The following MARCKS variants were observed in gnomAD, a reference collection of about 807,000 sequenced individuals.
MARCKS encodes the protein myristoylated alanine-rich C-kinase substrate.
A neutral mutation model predicts 6.3 loss-of-function variants in MARCKS; 4 were observed. The observed-to-expected ratio is 0.63, with a 90% CI of 0.31 to 1.45. MARCKS has a LOEUF of 1.45. Ranked by LOEUF, MARCKS falls within the 40% of genes most tolerant of loss-of-function variation. MARCKS has a pLI of 0.07. For synonymous variants in MARCKS, 289 were observed against 236.5 expected (o/e 1.22, Z -2.04); for missense variants, 636 against 485.7 (o/e 1.31, Z -2.91).
Position 113,862,390 on chromosome 6 carries a change from G to A in MARCKS, c.*1811G>A, listed in dbSNP as rs1299026728. ...TGTTGAATGGATGATGTCAGTTCAT[G>A]GGCCTTTAGCATAGTTTTAAGCATC... On this transcript the variant is annotated 3_prime_UTR_variant, in exon 2 of 2. Transcript: ENST00000612661. The A allele has an allele frequency of 6.7e-6, 1 of 150,350 alleles. No homozygotes were observed. Among genetic ancestry groups the A allele is most frequent in the Non-Finnish European group, 1.5e-5 (1 of 67,700 alleles). The allele number at this position is 150,350 out of a possible 1,614,324, so 9.3% of individuals were successfully genotyped here.
intron 1 of MARCKS, 53 bp downstream of exon 1, chr6:113,857,900 C>A: frequency 7.2e-7 from 1 of 1,398,578 alleles, no homozygotes; most frequent in South Asian, 1.2e-5. Context: ...CTCTCCTTCC[C>A]TCCTGGTGGC....
rs1399668540 is a variant in MARCKS, at chr6:113,862,923, T to A, written c.*2344T>A. On this transcript the variant is annotated 3_prime_UTR_variant, in exon 2 of 2. Coordinates refer to ENST00000612661, the MANE Select transcript of MARCKS (RefSeq NM_002356.7). ...TGAATTTGGTAACCAAAGGACTGAT[T>A]TATGGGTCTTTCCTATCTTAACCAA... The A allele has an allele frequency of 6.6e-6, 1 of 152,140 alleles. No individual in the cohort carries two copies. Among genetic ancestry groups the A allele is most frequent in the Non-Finnish European group, 1.5e-5 (1 of 68,000 alleles). The allele number at this position is 152,140 out of a possible 1,614,324, so 9.4% of individuals were successfully genotyped here.
chr6:113,859,570 C>T (rs1049607734), intron 1 of MARCKS, 113 bp from the exon 2 acceptor site: 32 of 952,822 alleles, frequency 3.4e-5, no homozygotes, highest in East Asian at 1.1e-4. Flanking sequence ...GGTGGGGTCT[C>T]GATGGCCACA....
chr6:113,859,148 C>G (rs997447797), intron 1 of MARCKS, among the ~76,000 whole-genome samples: 7 of 152,162 alleles, frequency 4.6e-5, no homozygotes, highest in African/African-American at 1.7e-4. Context: ...CGCAGGAGCT[C>G]GGAGGGCCCC....
In MARCKS at chr6:113,860,168, C is replaced by T. The variant is rs751997091; in HGVS notation, c.588C>T (p.Ala196=). The change falls in exon 2 of 2, where the codon GCC becomes GCT. Residue 196 remains alanine, a synonymous_variant. Coordinates refer to ENST00000612661, the MANE Select transcript of MARCKS (RefSeq NM_002356.7). The part of the protein sequence containing the change: ...APAAEGGKDE[A]AGGAAAAAAE... ...CTGCCGAAGGCGGCAAGGACGAGGC[C>T]GCCGGGGGCGCAGCTGCGGCCGCCG... 7.5e-6 allele frequency: 10 copies of T among 1,326,186 alleles called. No individual in the cohort carries two copies. The African/African-American group carries it at 1.3e-4, about 17-fold the overall frequency. 82.2% of individuals were successfully genotyped at this position (1,326,186 alleles called of 1,614,324 possible). A position where few individuals can be genotyped will look rare whatever the true frequency, so the allele number is the denominator to read the frequency against.
Position 113,860,029 on chromosome 6 carries a change from C to T in MARCKS, c.449C>T (p.Thr150Ile). 1 of 1,570,332 alleles carries T rather than the reference C, an allele frequency of 6.4e-7. No homozygotes were observed. Among genetic ancestry groups the T allele is most frequent in the Non-Finnish European group, 8.6e-7 (1 of 1,162,232 alleles). ...GCCACGCCCTCGCCCAGCAACGAGA[C>T]CCCGAAAAAAAAAAAGAAGCGCTTT... The part of the protein sequence containing the change: ...DGATPSPSNE[T>I]PKKKKKRFSF... Residue 150 changes from threonine (T) to isoleucine (I), a missense_variant, in exon 2 of 2, where the codon ACC becomes ATC. Physicochemically the swap from Thr to Ile is moderately conservative, Grantham distance 89. Coordinates refer to ENST00000612661, the MANE Select transcript of MARCKS (RefSeq NM_002356.7).
In MARCKS at chr6:113,861,682, C is replaced by A. The variant is rs1774903157; in HGVS notation, c.*1103C>A. ...TTGTAAATACTGGAGAAGCTTTGAC[C>A]AATTTGACTTAGAGATGGAATGTAA... is the stretch of plus-strand genomic sequence containing the variant. On this transcript the variant is annotated 3_prime_UTR_variant, in exon 2 of 2. Transcript: ENST00000612661. 6.6e-6 allele frequency: 1 copy of A among 152,572 alleles called. No individual in the cohort carries two copies. The highest frequency in any genetic ancestry group is 2.1e-4 in the South Asian group (1 of 4,830). The allele number at this position is 152,572 out of a possible 1,614,324, so 9.5% of individuals were successfully genotyped here.
intron 1 of MARCKS, 129 bp from the exon 2 acceptor site, chr6:113,859,554 G>A (rs1048668240): frequency 6.4e-6 from 5 of 777,422 alleles, no homozygotes; most frequent in Non-Finnish European, 9.0e-6. Context: ...TCCCCACAAC[G>A]GCGGGGGTGG....
In MARCKS at chr6:113,860,130, G is replaced by A. The variant is rs1384710723; in HGVS notation, c.550G>A (p.Ala184Thr). The A allele has an allele frequency of 2.7e-6, 4 of 1,508,528 alleles. No individual in the cohort carries two copies. Among genetic ancestry groups the A allele is most frequent in the African/African-American group, 2.9e-5 (2 of 68,372 alleles). 93.4% of individuals were successfully genotyped at this position (1,508,528 alleles called of 1,614,324 possible). Reference protein sequence around the residue: ...NKKEAGEGGEAEAPAAEGGKD... With the variant: ...NKKEAGEGGETEAPAAEGGKD... ...GAAGGAGGCTGGAGAAGGCGGTGAG[G>A]CTGAGGCGCCCGCTGCCGAAGGCGG... The change falls in exon 2 of 2, where the codon GCT becomes ACT. Residue 184 changes from alanine to threonine, a missense_variant. Ala to Thr is a moderately conservative substitution (Grantham distance 58). Coordinates refer to ENST00000612661, the MANE Select transcript of MARCKS (RefSeq NM_002356.7).
rs1240745191 is a variant in MARCKS at position 113,859,819 on chromosome 6, C to T, written c.239C>T (p.Ala80Val). ...CCCGCGGCCGCCGGGAGCGGGGCGG[C>T]GTCGCCCTCCGCGGCCGAGAAAGGT... is the stretch of plus-strand genomic sequence containing the variant. ...EEPAAAGSGA[A>V]SPSAAEKGEP... Residue 80 changes from alanine (A) to valine (V), a missense_variant, in exon 2 of 2, where the codon GCG (alanine) becomes GTG (valine). Ala to Val is a moderately conservative substitution (Grantham distance 64). Coordinates refer to ENST00000612661, the MANE Select transcript of MARCKS (RefSeq NM_002356.7). 9.2e-6 allele frequency: 12 copies of T among 1,301,956 alleles called. No individual in the cohort carries two copies. The highest frequency in any genetic ancestry group is 1.6e-5 in the African/African-American group (1 of 63,872). The allele number at this position is 1,301,956 out of a possible 1,614,324, so 80.7% of individuals were successfully genotyped here.
rs1411469596 is a variant in MARCKS, at chr6:113,860,439, C to T, written c.859C>T (p.Pro287Ser). ...CTGCGAGGCCCCCTCCGCCGCCGGG[C>T]CCGGCGCGCCCCCGGAGCAGGAGGC... ...AACEAPSAAGPGAPPEQEAAP... is the reference protein window; with the variant it reads ...AACEAPSAAGSGAPPEQEAAP... Residue 287 changes from proline to serine, a missense_variant, in exon 2 of 2, where the codon CCC (proline) becomes TCC (serine). Coordinates refer to ENST00000612661, the MANE Select transcript of MARCKS (RefSeq NM_002356.7). 49 of 1,185,700 alleles carry T rather than the reference C, an allele frequency of 4.1e-5. No homozygotes were observed. The highest frequency in any genetic ancestry group is 8.0e-5 in the South Asian group (3 of 37,494). The allele number at this position is 1,185,700 out of a possible 1,614,324, so 73.4% of individuals were successfully genotyped here.
intron 1 of MARCKS, among the ~76,000 whole-genome samples, 157 bp from the exon 2 acceptor site, chr6:113,859,526 C>T (rs756962759): frequency 5.3e-5 from 8 of 152,190 alleles, no homozygotes; most frequent in Non-Finnish European, 1.2e-4. Flanking sequence ...CTCTTCTGGG[C>T]ATCCACCCGC....
At chr6:113,859,338 T>G (rs1448116343) in intron 1 of MARCKS, among the ~76,000 whole-genome samples, 1 of 152,184 alleles carries the variant, frequency 6.6e-6, no homozygotes, top group East Asian at 1.9e-4. Flanking sequence ...GCACCTTTTT[T>G]CCCCCAAGCC....
At chr6:113,857,889 T>C (rs767879079) in intron 1 of MARCKS, 42 bp downstream of exon 1, 11 of 1,490,012 alleles carry the variant, frequency 7.4e-6, no homozygotes, top group Non-Finnish European at 1.0e-5. Flanking sequence ...TTCGTGTCTT[T>C]CTCTCCTTCC....
In MARCKS at chr6:113,863,462, G is replaced by A. The variant is rs190766195; in HGVS notation, c.*2883G>A. The A allele has an allele frequency of 3.3e-5, 5 of 152,046 alleles. No individual in the cohort carries two copies. Among genetic ancestry groups the A allele is most frequent in the Admixed American group, 3.3e-4 (5 of 15,282 alleles). The allele number at this position is 152,046 out of a possible 1,614,324, so 9.4% of individuals were successfully genotyped here. A position where few individuals can be genotyped will look rare whatever the true frequency, so the allele number is the denominator to read the frequency against. ...TTGCTTGTAAAATAAAGTTTTACCA[G>A]TTGATATAATCAAGCCTGCTAAAAT... On this transcript the variant is annotated 3_prime_UTR_variant, in exon 2 of 2. Coordinates refer to ENST00000612661, the MANE Select transcript of MARCKS (RefSeq NM_002356.7).
rs1246826469 is a variant in MARCKS at position 113,862,945 on chromosome 6, CCAA to C, written c.*2368_*2370del. 1 of 152,104 alleles carries C rather than the reference CCAA, an allele frequency of 6.6e-6. No homozygotes were observed. The highest frequency in any genetic ancestry group is 1.5e-5 in the Non-Finnish European group (1 of 67,996). 9.4% of individuals were successfully genotyped at this position (152,104 alleles called of 1,614,324 possible). A position where few individuals can be genotyped will look rare whatever the true frequency, so the allele number is the denominator to read the frequency against. On this transcript the variant is annotated 3_prime_UTR_variant, in exon 2 of 2. Coordinates refer to ENST00000612661, the MANE Select transcript of MARCKS (RefSeq NM_002356.7). ...GATTTATGGGTCTTTCCTATCTTAA[CCAA>C]CGTTTTCTTAGTTACCTAGATGGCC... is the stretch of plus-strand genomic sequence containing the variant.
Position 113,860,232 on chromosome 6 carries a change from CCGGGCGAGGAGGCGGCAG to C in MARCKS, c.665_682del (p.Ala222_Glu227del), listed in dbSNP as rs1325571001. ...GGCCTCCGGGGAGCAGGCAGCGGCG[CCGGGCGAGGAGGCGGCAG>C]CGGGCGAGGAGGGGGCGGCGGGTGG... is the stretch of plus-strand genomic sequence containing the variant. On this transcript the variant is annotated inframe_deletion, in exon 2 of 2. Coordinates refer to ENST00000612661, the MANE Select transcript of MARCKS (RefSeq NM_002356.7). The C allele has an allele frequency of 2.0e-5, 21 of 1,074,352 alleles. No individual in the cohort carries two copies. Among genetic ancestry groups the C allele is most frequent in the East Asian group, 1.3e-4 (2 of 15,596 alleles). 66.6% of individuals were successfully genotyped at this position (1,074,352 alleles called of 1,614,324 possible). A position where few individuals can be genotyped will look rare whatever the true frequency, so the allele number is the denominator to read the frequency against.
chr6:113,860,211 T>G lies in MARCKS; in HGVS notation c.631T>G (p.Ser211Ala), dbSNP rs887401088. 8.1e-6 allele frequency: 9 copies of G among 1,106,290 alleles called. No homozygotes were observed. The highest frequency in any genetic ancestry group is 5.2e-5 in the Admixed American group (1 of 19,060). The allele number at this position is 1,106,290 out of a possible 1,614,324, so 68.5% of individuals were successfully genotyped here. A position where few individuals can be genotyped will look rare whatever the true frequency, so the allele number is the denominator to read the frequency against. The change falls in exon 2 of 2, where the codon TCC becomes GCC. Residue 211 changes from serine to alanine, a missense_variant. Physicochemically the swap from Ser to Ala is moderately conservative, Grantham distance 99. Transcript: ENST00000612661. ...GGCCGCCGCCGAGGCGGGCGCGGCCTCCGGGGAGCAGGCAGCGGCGCCGGG... is the reference window on the plus strand; with the variant it reads ...GGCCGCCGCCGAGGCGGGCGCGGCCGCCGGGGAGCAGGCAGCGGCGCCGGG... ...AAAAAEAGAA[S>A]GEQAAAPGEE... is the part of the protein sequence containing the mutation.
chr6:113,858,268 G>A lies in MARCKS; in HGVS notation c.102+421G>A, dbSNP rs567655761. Reference sequence around the variant, plus strand: ...ACTGGTGGTGTGATTGTGTGTGGCGGGGGGGGGAGTCGGGAAAGGGGGGCG... The same window carrying A: ...ACTGGTGGTGTGATTGTGTGTGGCGAGGGGGGGAGTCGGGAAAGGGGGGCG... On this transcript the variant is annotated intron_variant, in intron 1 of 1. Transcript: ENST00000612661. Among the ~76,000 whole-genome samples the A allele has an allele frequency of 3.3e-5, 5 of 151,652 alleles. No individual in the cohort carries two copies. The South Asian group carries it at 8.3e-4, about 25-fold the overall frequency.
Sources: gnomAD v4.1 joint callset for allele counts (sites outside exome capture counted in the v4.1 genomes callset) on GRCh38, gnomAD v4.1.1 for gene constraint, MANE v1.5 for transcripts, NCBI Gene and HGNC (gene_info 2026-07-23, HGNC 2026-07-21) for gene names.